TMEM267: variants seen among roughly 807,000 people sequenced by gnomAD.
TMEM267 encodes transmembrane protein C5orf28.
TMEM267 carries 20 observed loss-of-function variants against 19.3 expected under a neutral mutation model. The observed-to-expected ratio is 1.04, with a 90% confidence interval of 0.73 to 1.51. TMEM267 has a LOEUF of 1.51. Among genes scored for constraint, TMEM267 ranks in the 40% most tolerant of loss-of-function variants. The pLI is 0.00. For missense variants in TMEM267, 242 were observed against 261.9 expected (o/e 0.92, Z 0.52); for synonymous variants, 88 against 90.3 (o/e 0.97, Z 0.15).
At chr5:43,465,137 G>C (rs1233986172) in intron 1 of TMEM267, among the ~76,000 whole-genome samples, 2 of 152,170 alleles carry the variant, frequency 1.3e-5, no homozygotes, top group Admixed American at 6.5e-5. Context: ...CCATCCAAAA[G>C]TGGGCAAAGG....
chr5:43,449,014 T>C (rs987047483), intron 2 of TMEM267, among the ~76,000 whole-genome samples: 2 of 151,416 alleles, frequency 1.3e-5, no homozygotes, highest in African/African-American at 4.9e-5. Context: ...AAACTCAGTA[T>C]GGAAAAAAAA....
chr5:43,481,817 A>G (rs1744791725), intron 1 of TMEM267, among the ~76,000 whole-genome samples: 1 of 152,042 alleles, frequency 6.6e-6, no homozygotes, highest in African/African-American at 2.4e-5. Flanking sequence ...CACAGAAAGA[A>G]TAAAATTATT....
intron 2 of TMEM267, among the ~76,000 whole-genome samples, chr5:43,448,865 A>G (rs181818680): frequency 3.7e-4 from 57 of 152,086 alleles, no homozygotes; most frequent in Non-Finnish European, 7.6e-4. Context: ...TTTTTAAACT[A>G]CATAAAACAT....
chr5:43,458,154 G>A (rs1389869), intron 1 of TMEM267, among the ~76,000 whole-genome samples: 88,911 of 152,108 alleles, frequency 0.58, 28,631 homozygotes, highest in African/African-American at 0.84. Context: ...AGGCTGGAGT[G>A]CAGTGGTGTG....
intron 1 of TMEM267, among the ~76,000 whole-genome samples, chr5:43,481,698 G>A (rs1744780663): frequency 6.6e-6 from 1 of 152,130 alleles, no homozygotes; most frequent in South Asian, 2.1e-4. Context: ...GAACTTGGAA[G>A]CAGATCCTTC....
intron 1 of TMEM267, among the ~76,000 whole-genome samples, chr5:43,459,000 C>CA (rs201322664): frequency 0.56 from 82,913 of 147,928 alleles, 24,634 homozygotes; most frequent in African/African-American, 0.76. Flanking sequence ...GTTTCTATGT[C>CA]AAAAAAAAAA....
rs1335344727 is a variant in TMEM267 at position 43,446,590 on chromosome 5, C to T, written c.313-33G>A. On this transcript the variant is annotated intron_variant, in intron 2 of 2. Coordinates refer to ENST00000397080, the MANE Select transcript of TMEM267 (RefSeq NM_022483.5). ...AGCAAAGTAATAGCGAGTATCATTT[C>T]CTTTCTAGCAAAACAAAATTTTATA... 2.1e-6 allele frequency: 3 copies of T among 1,422,402 alleles called. No homozygotes were observed. The South Asian group carries it at 4.0e-5, about 19-fold the overall frequency. 88.1% of individuals were successfully genotyped at this position (1,422,402 alleles called of 1,614,324 possible). A position where few individuals can be genotyped will look rare whatever the true frequency, so the allele number is the denominator to read the frequency against.
At chr5:43,472,638 C>A (rs957107264) in intron 1 of TMEM267, among the ~76,000 whole-genome samples, 2 of 152,100 alleles carry the variant, frequency 1.3e-5, no homozygotes, top group African/African-American at 4.8e-5. Flanking sequence ...CAGTTATTTG[C>A]AACAACATGG....
chr5:43,454,703 C>T (rs1742841750), intron 1 of TMEM267: 1 of 152,166 alleles, frequency 6.6e-6, no homozygotes, highest in Non-Finnish European at 1.5e-5. Flanking sequence ...GTTCTCAGAG[C>T]TACCCTAGAT....
At chr5:43,454,784 T>C (rs1742847517) in intron 1 of TMEM267, among the ~76,000 whole-genome samples, 1 of 152,212 alleles carries the variant, frequency 6.6e-6, no homozygotes, top group Non-Finnish European at 1.5e-5. Context: ...ACATTTCTGA[T>C]GCCTTGAACC....
intron 1 of TMEM267, among the ~76,000 whole-genome samples, chr5:43,475,029 A>G (rs957784410): frequency 1.3e-5 from 2 of 151,678 alleles, no homozygotes; most frequent in African/African-American, 4.8e-5. Flanking sequence ...ATTCCTGGGT[A>G]TATACCCAAA....
chr5:43,468,653 ATAAACTTT>A (rs1274125066), intron 1 of TMEM267, among the ~76,000 whole-genome samples: 2 of 152,200 alleles, frequency 1.3e-5, no homozygotes, highest in Admixed American at 1.3e-4. Context: ...CCTTGGCAAA[ATAAACTTT>A]CTAAATTAAC....
At chr5:43,453,130 C>A (rs1019610414) in intron 2 of TMEM267, among the ~76,000 whole-genome samples, 10 of 152,322 alleles carry the variant, frequency 6.6e-5, no homozygotes, top group Admixed American at 6.5e-4. Flanking sequence ...GAAATACATG[C>A]CTTTCGCTCC....
chr5:43,460,066 A>G (rs1006891203), intron 1 of TMEM267, among the ~76,000 whole-genome samples: 4 of 152,326 alleles, frequency 2.6e-5, no homozygotes, highest in Non-Finnish European at 1.5e-5. Flanking sequence ...TTAGATTCTC[A>G]TAAGAAGCAC....
intron 1 of TMEM267, among the ~76,000 whole-genome samples, chr5:43,455,807 C>T (rs1252637814): frequency 2.0e-5 from 3 of 152,168 alleles, no homozygotes; most frequent in Non-Finnish European, 2.9e-5. Flanking sequence ...CCCACCTCAG[C>T]CTCCCAAAGA....
At chr5:43,482,325 T>C (rs1262325493) in intron 1 of TMEM267, among the ~76,000 whole-genome samples, 1 of 151,218 alleles carries the variant, frequency 6.6e-6, no homozygotes, top group Non-Finnish European at 1.5e-5. Context: ...AGAGTCTGAG[T>C]ATTAGAAAAA....
Position 43,446,549 on chromosome 5 carries a change from C to A in TMEM267, c.321G>T (p.Leu107Phe). The A allele has an allele frequency of 6.2e-7, 1 of 1,604,412 alleles. No homozygotes were observed. The highest frequency in any genetic ancestry group is 1.1e-5 in the South Asian group (1 of 89,922). ...GAAGGAAAGGTCTTCGCGGGAGAGT[C>A]AAAGCAGCCTGAGGGAGCAAAGTAA... ...LAGSMSLKAALTLPRRPFLHC... is the reference protein window; with the variant it reads ...LAGSMSLKAAFTLPRRPFLHC... The change falls in exon 3 of 3, where the codon TTG (leucine) becomes TTT (phenylalanine). Residue 107 changes from leucine (L) to phenylalanine (F), a missense_variant. Coordinates refer to ENST00000397080, the MANE Select transcript of TMEM267 (RefSeq NM_022483.5).
At chr5:43,461,503 G>A (rs758759525) in intron 1 of TMEM267, among the ~76,000 whole-genome samples, 6 of 152,174 alleles carry the variant, frequency 3.9e-5, no homozygotes. Context: ...CTGATTCCAG[G>A]ATATGACTCT....
intron 1 of TMEM267, among the ~76,000 whole-genome samples, chr5:43,473,800 T>A (rs1744230951): frequency 6.6e-6 from 1 of 152,128 alleles, no homozygotes; most frequent in East Asian, 1.9e-4. Flanking sequence ...CATGCATAAA[T>A]AGCCAAGACA....
Sources: allele counts gnomAD v4.1 joint callset (sites outside exome capture counted in the v4.1 genomes callset), GRCh38; gene constraint gnomAD v4.1.1; transcripts MANE v1.5; gene names NCBI Gene and HGNC (gene_info 2026-07-23, HGNC 2026-07-21).